The following PACRG variants were observed in gnomAD, a reference collection of about 807,000 sequenced individuals.
The protein encoded by PACRG is parkin coregulated gene protein.
In PACRG, 29 loss-of-function variants were observed where a neutral mutation model predicts 29.7. The observed-to-expected ratio is 0.98, with a 90% CI of 0.73 to 1.33. PACRG has a LOEUF of 1.33. Among genes scored for constraint, PACRG ranks in the 40% most tolerant of loss-of-function variants. PACRG has a pLI of 0.00. For synonymous variants in PACRG, 116 were observed against 118.7 expected, an observed-to-expected ratio of 0.98 and a Z score of 0.15; for missense variants, 279 against 316.2, an observed-to-expected ratio of 0.88 and a Z score of 0.89.
At chr6:163,238,642 G>T (rs1012996301) in intron 4 of PACRG, among the ~76,000 whole-genome samples, 5 of 152,208 alleles carry the variant, frequency 3.3e-5, no homozygotes, top group African/African-American at 9.7e-5. Flanking sequence ...ACTGCTGGTG[G>T]TCTCAGACAA....
chr6:162,898,187 G>A (rs1028683095), intron 2 of PACRG, among the ~76,000 whole-genome samples: 7 of 152,160 alleles, frequency 4.6e-5, no homozygotes, highest in East Asian at 1.9e-4. Context: ...AGCCTCAGCC[G>A]CGAGCACAGT....
At position 163,278,843 on chromosome 6, in the gene PACRG, T is replaced by C. The variant is rs189193285; in HGVS notation, c.614-35984T>C. On this transcript the variant is annotated intron_variant, in intron 4 of 4. Transcript: ENST00000366888. Reference sequence around the variant, plus strand: ...CTCCTTTTTAGTTCCATATGAATTTTAGTATTGTTTTTTCTACTTCTTTGA... The same window carrying C: ...CTCCTTTTTAGTTCCATATGAATTTCAGTATTGTTTTTTCTACTTCTTTGA... Among the ~76,000 whole-genome samples, 939 of 152,322 alleles carry C rather than the reference T, an allele frequency of 6.2e-3. 5 individuals carry two copies. The highest frequency in any genetic ancestry group is 0.021 in the South Asian group (103 of 4,824).
chr6:162,797,516 A>G (rs944145534), intron 1 of PACRG, among the ~76,000 whole-genome samples: 7 of 152,350 alleles, frequency 4.6e-5, no homozygotes, highest in African/African-American at 1.7e-4. Context: ...TAAATTTTTG[A>G]TAAGTTCACT....
At chr6:162,856,340 T>A (rs1341077059) in intron 2 of PACRG, among the ~76,000 whole-genome samples, 1 of 152,192 alleles carries the variant, frequency 6.6e-6, no homozygotes, top group Admixed American at 6.5e-5. Context: ...ATTATAGGCA[T>A]GAGCCACCGC....
intron 4 of PACRG, among the ~76,000 whole-genome samples, chr6:163,218,112 C>A (rs138688461): frequency 1.3e-5 from 2 of 152,026 alleles, no homozygotes; most frequent in Non-Finnish European, 2.9e-5. Flanking sequence ...TCATTCTTTG[C>A]GAATAAATTA....
intron 2 of PACRG, among the ~76,000 whole-genome samples, chr6:162,987,189 T>G (rs1187399541): frequency 2.0e-5 from 3 of 152,124 alleles, no homozygotes; most frequent in Non-Finnish European, 4.4e-5. Flanking sequence ...GCTCTTCAGA[T>G]TCTTTTGTCC....
At chr6:162,835,570 T>C (rs1270118861) in intron 2 of PACRG, among the ~76,000 whole-genome samples, 6 of 152,170 alleles carry the variant, frequency 3.9e-5, no homozygotes, top group Non-Finnish European at 5.9e-5. Flanking sequence ...TATAAATATG[T>C]ATTTAATTAT....
At chr6:162,927,367 G>T (rs990880905) in intron 2 of PACRG, among the ~76,000 whole-genome samples, 1 of 152,056 alleles carries the variant, frequency 6.6e-6, no homozygotes, top group Non-Finnish European at 1.5e-5. Flanking sequence ...GTTTATTGCA[G>T]TACTATTCAC....
chr6:163,103,193 G>A (rs1213541674), intron 4 of PACRG, among the ~76,000 whole-genome samples: 3 of 152,210 alleles, frequency 2.0e-5, no homozygotes, highest in Admixed American at 2.0e-4. Context: ...TGTGTTCCCT[G>A]TAGAGCTTCT....
At chr6:162,935,908 C>T (rs1260748377) in intron 2 of PACRG, among the ~76,000 whole-genome samples, 1 of 152,132 alleles carries the variant, frequency 6.6e-6, no homozygotes, top group Non-Finnish European at 1.5e-5. Flanking sequence ...AAACATACTT[C>T]AACATTACTG....
chr6:162,977,773 G>T (rs893160302), intron 2 of PACRG, among the ~76,000 whole-genome samples: 1 of 152,098 alleles, frequency 6.6e-6, no homozygotes, highest in Admixed American at 6.6e-5. Context: ...TTAAAACTCA[G>T]TATCTGCTTA....
chr6:163,120,042 G>A (rs572057946), intron 4 of PACRG, among the ~76,000 whole-genome samples: 2 of 152,226 alleles, frequency 1.3e-5, no homozygotes, highest in East Asian at 1.9e-4. Flanking sequence ...TTCATAGCAC[G>A]AGAAAAATAA....
intron 2 of PACRG, among the ~76,000 whole-genome samples, chr6:162,875,105 GCA>G (rs1793193645): frequency 6.6e-6 from 1 of 151,794 alleles, no homozygotes; most frequent in Non-Finnish European, 1.5e-5. Context: ...ACACACATTT[GCA>G]CACTCACACA....
At chr6:162,990,199 A>G (rs1474230952) in intron 2 of PACRG, among the ~76,000 whole-genome samples, 1 of 151,372 alleles carries the variant, frequency 6.6e-6, no homozygotes, top group Admixed American at 6.6e-5. Flanking sequence ...CAATAAACAT[A>G]CGTGTGCATG....
At chr6:162,914,160 CTTTG>C (rs1796518953) in intron 2 of PACRG, among the ~76,000 whole-genome samples, 1 of 151,952 alleles carries the variant, frequency 6.6e-6, no homozygotes, top group South Asian at 2.1e-4. Context: ...ATCTCCTATG[CTTTG>C]TTTGTCACAG....
chr6:163,272,098 G>C (rs1247000688), intron 4 of PACRG, among the ~76,000 whole-genome samples: 15 of 150,040 alleles, frequency 1.0e-4, no homozygotes, highest in Admixed American at 9.9e-4. Flanking sequence ...GAGTGCAGTG[G>C]CCCAATCTTG....
At chr6:162,761,935 CAAAAA>C (rs60437478) in intron 1 of PACRG, among the ~76,000 whole-genome samples, 3 of 75,998 alleles carry the variant, frequency 3.9e-5, no homozygotes, top group Admixed American at 2.1e-4. Flanking sequence ...GACTCCATCT[CAAAAA>C]AAAAAAAAAA....
intron 2 of PACRG, among the ~76,000 whole-genome samples, chr6:162,931,705 T>C (rs1797863932): frequency 6.6e-6 from 1 of 151,934 alleles, no homozygotes; most frequent in African/African-American, 2.4e-5. Flanking sequence ...AAAATAACAG[T>C]GATACCACTA....
At chr6:163,192,069 G>A (rs1780240555) in intron 4 of PACRG, 1 of 219,950 alleles carries the variant, frequency 4.5e-6, no homozygotes, top group South Asian at 6.3e-5. Flanking sequence ...ACTAAAGAAA[G>A]CACAGTTGTG....
Sources: gnomAD v4.1 joint callset for allele counts (sites outside exome capture counted in the v4.1 genomes callset) on GRCh38, gnomAD v4.1.1 for gene constraint, MANE v1.5 for transcripts, NCBI Gene and HGNC (gene_info 2026-07-23, HGNC 2026-07-21) for gene names.